The following TMEM132C variants were observed in gnomAD, a reference collection of about 807,000 sequenced individuals.
TMEM132C encodes protein phosphatase 1, regulatory subunit 152.
A neutral mutation model predicts 61.4 loss-of-function variants in TMEM132C; 29 were observed. That is an observed-to-expected ratio of 0.47 (90% CI 0.35 to 0.64). TMEM132C has a LOEUF of 0.64. Ranked by LOEUF, TMEM132C falls within the 30% of genes least tolerant of loss-of-function variation. The pLI, the probability that TMEM132C is intolerant of heterozygous loss-of-function variation, is 0.00. For missense variants in TMEM132C, 1,408 were observed against 1,476.9 expected (o/e 0.95, Z 0.76); for synonymous variants, 656 against 633.1 (o/e 1.04, Z -0.54).
chr12:128,638,689 C>T (rs1954120913), intron 4 of TMEM132C, among the ~76,000 whole-genome samples: 1 of 152,106 alleles, frequency 6.6e-6, no homozygotes, highest in South Asian at 2.1e-4. Context: ...ACTGGCACAC[C>T]TTAAATTGGA....
rs1298046003 is a variant in TMEM132C, at chr12:128,326,850, A to AT, written c.85+59368dup. Among the ~76,000 whole-genome samples the AT allele has an allele frequency of 6.7e-6, 1 of 149,434 alleles. No homozygotes were observed. The highest frequency in any genetic ancestry group is 1.5e-5 in the Non-Finnish European group (1 of 67,968). On this transcript the variant is annotated intron_variant, in intron 1 of 8. Transcript: ENST00000435159. This position sits in a 1 kb window ranked among gnomAD's most constrained non-coding sequence, Gnocchi z 5.6. Reference sequence around the variant, plus strand: ...AAAACAGCACTCAGGAATTAATTGTATTTTTAATAAAGCAGAGGCTTTTGT... The same window carrying AT: ...AAAACAGCACTCAGGAATTAATTGTATTTTTTAATAAAGCAGAGGCTTTTGT...
At chr12:128,401,777 G>A (rs1875166217) in intron 1 of TMEM132C, among the ~76,000 whole-genome samples, 1 of 152,090 alleles carries the variant, frequency 6.6e-6, no homozygotes, top group African/African-American at 2.4e-5. Flanking sequence ...GCAGAATCTG[G>A]GCAATTCTTT....
At chr12:128,604,808 G>A (rs10219551) in intron 3 of TMEM132C, among the ~76,000 whole-genome samples, 34,974 of 101,394 alleles carry the variant, frequency 0.34, 4,038 homozygotes, top group South Asian at 0.47. Context: ...GATAGATGAT[G>A]GATGGATGGA....
chr12:128,304,590 C>T (rs1871700435), intron 1 of TMEM132C, among the ~76,000 whole-genome samples: 1 of 151,292 alleles, frequency 6.6e-6, no homozygotes, highest in Non-Finnish European at 1.5e-5. Context: ...GCCTGGGTGA[C>T]AGAGCAAGCC....
intron 1 of TMEM132C, among the ~76,000 whole-genome samples, chr12:128,317,191 A>T: frequency 6.7e-6 from 1 of 149,010 alleles, no homozygotes; most frequent in Non-Finnish European, 1.5e-5. Context: ...TTCTGTACTC[A>T]TTTTTTTTTT....
intron 3 of TMEM132C, among the ~76,000 whole-genome samples, chr12:128,593,304 T>C (rs2135567882): frequency 6.6e-6 from 1 of 152,042 alleles, no homozygotes; most frequent in East Asian, 1.9e-4. Context: ...TTTCCCTCTC[T>C]CTCTCCTCCC....
chr12:128,329,359 T>C (rs931424253), intron 1 of TMEM132C, among the ~76,000 whole-genome samples: 3 of 152,022 alleles, frequency 2.0e-5, no homozygotes, highest in Admixed American at 1.3e-4. Context: ...GGAAAAGCAG[T>C]TGGAAGGCTG....
chr12:128,592,378 A>T (rs1875783890), intron 3 of TMEM132C, among the ~76,000 whole-genome samples: 1 of 152,226 alleles, frequency 6.6e-6, no homozygotes, highest in Non-Finnish European at 1.5e-5. Flanking sequence ...ATCTTCCCCA[A>T]TGACCACACA....
intron 1 of TMEM132C, among the ~76,000 whole-genome samples, chr12:128,362,695 A>G (rs1873743518): frequency 6.6e-6 from 1 of 152,242 alleles, no homozygotes; most frequent in South Asian, 2.1e-4. Context: ...ACCTTTGAAT[A>G]TCATATCAGT....
chr12:128,382,758 C>G (rs1874442723), intron 1 of TMEM132C, among the ~76,000 whole-genome samples: 1 of 152,198 alleles, frequency 6.6e-6, no homozygotes, highest in South Asian at 2.1e-4. Flanking sequence ...GACAGAAGAA[C>G]AGATATTCTA....
chr12:128,705,269 A>G lies in TMEM132C; in HGVS notation c.2301A>G (p.Pro767=), dbSNP rs754985484. ...VVVAEGEGQG[P]LIRVDMTIAE... The stretch of plus-strand genomic sequence containing the variant: ...TGGCCGAAGGGGAAGGCCAGGGCCC[A>G]CTGATCCGAGTGGACATGACGATCG... Residue 767 remains proline (P), a synonymous_variant, in exon 9 of 9, where the codon CCA becomes CCG. Coordinates refer to ENST00000435159, the MANE Select transcript of TMEM132C (RefSeq NM_001136103.3). 2 of 1,551,600 alleles carry G rather than the reference A, an allele frequency of 1.3e-6. No individual in the cohort carries two copies. The highest frequency in any genetic ancestry group is 1.2e-5 in the South Asian group (1 of 84,056).
chr12:128,352,310 G>A (rs1873361848), intron 1 of TMEM132C, among the ~76,000 whole-genome samples: 1 of 152,184 alleles, frequency 6.6e-6, no homozygotes, highest in Non-Finnish European at 1.5e-5. Flanking sequence ...GAAGTGTCGA[G>A]TGAAGTTGGG....
chr12:128,563,244 T>C (rs1179112038), intron 3 of TMEM132C, among the ~76,000 whole-genome samples: 3 of 152,356 alleles, frequency 2.0e-5, no homozygotes. Context: ...AGAGAATGAA[T>C]GTTGAAAGAA....
At chr12:128,363,611 G>A (rs1873771426) in intron 1 of TMEM132C, among the ~76,000 whole-genome samples, 2 of 152,126 alleles carry the variant, frequency 1.3e-5, no homozygotes, top group African/African-American at 4.8e-5. Flanking sequence ...ACTTTGGGAG[G>A]CTGAGGGGGC....
At chr12:128,612,826 C>T (rs1876679599) in intron 3 of TMEM132C, among the ~76,000 whole-genome samples, 1 of 152,184 alleles carries the variant, frequency 6.6e-6, no homozygotes, top group Admixed American at 6.5e-5. Context: ...TTCTCTTTTC[C>T]CTTGTCCATG....
chr12:128,301,443 T>C (rs1008071946), intron 1 of TMEM132C, among the ~76,000 whole-genome samples: 2 of 152,154 alleles, frequency 1.3e-5, no homozygotes, highest in Admixed American at 1.3e-4. Context: ...TTATTAGTAG[T>C]AGTATTAGTA....
At chr12:128,496,713 T>C (rs1222114633) in intron 2 of TMEM132C, among the ~76,000 whole-genome samples, 1 of 152,216 alleles carries the variant, frequency 6.6e-6, no homozygotes, top group African/African-American at 2.4e-5. Context: ...ACTACACTGG[T>C]TATTCTAGTT....
intron 1 of TMEM132C, among the ~76,000 whole-genome samples, chr12:128,290,143 C>T (rs1871206084): frequency 6.6e-6 from 1 of 152,128 alleles, no homozygotes; most frequent in African/African-American, 2.4e-5. Context: ...CCCAGTAGGG[C>T]GTGTGATGCT....
intron 3 of TMEM132C, among the ~76,000 whole-genome samples, chr12:128,592,480 G>T (rs1469950308): frequency 6.6e-6 from 1 of 152,240 alleles, no homozygotes; most frequent in Non-Finnish European, 1.5e-5. Flanking sequence ...TGCAATGGAT[G>T]AATGAGTGAA....
Sources: allele counts gnomAD v4.1 joint callset (sites outside exome capture counted in the v4.1 genomes callset), GRCh38; gene constraint gnomAD v4.1.1; non-coding constraint Gnocchi (gnomAD v3.1); transcripts MANE v1.5; gene names NCBI Gene and HGNC (gene_info 2026-07-23, HGNC 2026-07-21).